CENPP: variants seen among roughly 807,000 people sequenced by gnomAD.
CENPP encodes the protein centromere protein P.
CENPP carries 24 observed loss-of-function variants against 35.6 expected under a neutral mutation model. The ratio of observed to expected loss-of-function variants is 0.67; its 90% confidence interval spans 0.49 to 0.95. The LOEUF is 0.95. Among genes scored for constraint, CENPP ranks in the 40% least tolerant of loss-of-function variants. CENPP has a pLI of 0.00. For missense variants in CENPP, 332 were observed against 345.3 expected, an observed-to-expected ratio of 0.96 and a Z score of 0.31; for synonymous variants, 120 against 125.5, an observed-to-expected ratio of 0.96 and a Z score of 0.29.
chr9:92,505,779 G>A (rs553012623), intron 5 of CENPP: 100 of 1,087,398 alleles, frequency 9.2e-5, no homozygotes, highest in Non-Finnish European at 1.2e-4. Context: ...TGAAATGGCC[G>A]GTTTATTTGG....
intron 5 of CENPP, among the ~76,000 whole-genome samples, chr9:92,434,805 G>A (rs1844206925): frequency 6.6e-6 from 1 of 152,188 alleles, no homozygotes. Flanking sequence ...CACTTTGGGA[G>A]CCTGAAGCGG....
chr9:92,332,292 A>T lies in CENPP; in HGVS notation c.230A>T (p.Asn77Ile). 1 of 1,611,750 alleles carries T rather than the reference A, an allele frequency of 6.2e-7. No homozygotes were observed. Among genetic ancestry groups the T allele is most frequent in the Non-Finnish European group, 8.5e-7 (1 of 1,179,078 alleles). The change falls in exon 2 of 8, where the codon AAT (asparagine) becomes ATT (isoleucine). Residue 77 changes from asparagine (N) to isoleucine (I), a missense_variant. Physicochemically the swap from Asn to Ile is moderately radical, Grantham distance 149 (BLOSUM62 -3). Coordinates refer to ENST00000375587, the MANE Select transcript of CENPP (RefSeq NM_001012267.3). ...TTTCTAAGTACGCTTACTGGCATCAATATAAGAAATCACTCCAAGCAGACA... is the reference window on the plus strand; with the variant it reads ...TTTCTAAGTACGCTTACTGGCATCATTATAAGAAATCACTCCAAGCAGACA... ...LSFLSTLTGI[N>I]IRNHSKQTED...
intron 5 of CENPP, among the ~76,000 whole-genome samples, chr9:92,420,651 T>C (rs1019511017): frequency 1.3e-5 from 2 of 151,268 alleles, no homozygotes; most frequent in African/African-American, 4.9e-5. Flanking sequence ...GCTTCTTTTT[T>C]TTAAGTCAAG....
chr9:92,396,381 A>G (rs1842891211), intron 5 of CENPP, among the ~76,000 whole-genome samples: 1 of 150,696 alleles, frequency 6.6e-6, no homozygotes, highest in Non-Finnish European at 1.5e-5. Context: ...TAATTAAACA[A>G]AAAAAAAACC....
intron 5 of CENPP, among the ~76,000 whole-genome samples, chr9:92,589,356 AT>A (rs201190435): frequency 0.04 from 6,003 of 151,166 alleles, 177 homozygotes; most frequent in South Asian, 0.097. Context: ...AAAAAAAAAA[AT>A]TTTTTTTTAA....
chr9:92,364,999 G>T (rs1477662562), intron 4 of CENPP, among the ~76,000 whole-genome samples: 1 of 152,172 alleles, frequency 6.6e-6, no homozygotes, highest in African/African-American at 2.4e-5. Context: ...CAGACAAGTC[G>T]CTAGTGTTCC....
At chr9:92,454,159 A>G (rs1310269744) in intron 5 of CENPP, among the ~76,000 whole-genome samples, 2 of 152,176 alleles carry the variant, frequency 1.3e-5, no homozygotes, top group African/African-American at 2.4e-5. Context: ...ATGTTAATGC[A>G]GTTTTGGTTG....
Position 92,619,480 on chromosome 9 carries a change from C to T in CENPP, c.*6331C>T. ...CAGGCTGCATGCCTTGCAGTGGGGG[C>T]CTCACCTGGCATCCTGCAGACAGGG... On this transcript the variant is annotated 3_prime_UTR_variant, in exon 8 of 8. Transcript: ENST00000375587. 1 of 1,580,632 alleles carries T rather than the reference C, an allele frequency of 6.3e-7. No homozygotes were observed.
chr9:92,518,173 A>G (rs1378486256), intron 5 of CENPP, among the ~76,000 whole-genome samples: 1 of 152,144 alleles, frequency 6.6e-6, no homozygotes, highest in Non-Finnish European at 1.5e-5. Flanking sequence ...CAACATCAAC[A>G]AACAATCCCC....
At chr9:92,458,950 C>T (rs1844987720) in intron 5 of CENPP, among the ~76,000 whole-genome samples, 1 of 152,166 alleles carries the variant, frequency 6.6e-6, no homozygotes, top group Non-Finnish European at 1.5e-5. Flanking sequence ...TGGCTTGTTG[C>T]CCAGTTTTGT....
chr9:92,329,746 T>C lies in CENPP; in HGVS notation c.108-2424T>C, dbSNP rs547087159. ...TTTTGTGTGTGTGTGTGTGTGTGTA[T>C]TTTTTGGTAGACATGGGGTTTTACC... is the stretch of plus-strand genomic sequence containing the variant. On this transcript the variant is annotated intron_variant, in intron 1 of 7. Coordinates refer to ENST00000375587, the MANE Select transcript of CENPP (RefSeq NM_001012267.3). 1.2e-4 allele frequency among the ~76,000 whole-genome samples: 19 copies of C among 152,126 alleles called. No homozygotes were observed. The East Asian group carries it at 3.5e-3, about 28-fold the overall frequency.
chr9:92,544,378 A>G (rs1849381978), intron 5 of CENPP, among the ~76,000 whole-genome samples: 1 of 152,204 alleles, frequency 6.6e-6, no homozygotes. Flanking sequence ...TGGGAGGCTG[A>G]GGCACGAGAA....
intron 3 of CENPP, among the ~76,000 whole-genome samples, chr9:92,341,320 T>C (rs1023477630): frequency 6.6e-6 from 1 of 152,174 alleles, no homozygotes; most frequent in African/African-American, 2.4e-5. Context: ...CTTGTGATAT[T>C]CTATTACCCT....
chr9:92,553,156 G>T (rs1017762510), intron 5 of CENPP, among the ~76,000 whole-genome samples: 2 of 151,970 alleles, frequency 1.3e-5, no homozygotes, highest in Non-Finnish European at 2.9e-5. Context: ...AGCACCATTT[G>T]TTGAAAAGGT....
chr9:92,367,424 C>T (rs1240555481), intron 4 of CENPP, among the ~76,000 whole-genome samples: 2 of 152,028 alleles, frequency 1.3e-5, no homozygotes, highest in Admixed American at 6.6e-5. Context: ...ACCTCAGCCT[C>T]GCAGAGTTCT....
At chr9:92,542,531 C>T (rs1849340153) in intron 5 of CENPP, among the ~76,000 whole-genome samples, 1 of 149,002 alleles carries the variant, frequency 6.7e-6, no homozygotes, top group Admixed American at 6.7e-5. Flanking sequence ...GAGATGGAGT[C>T]TCGCTCTGTC....
chr9:92,415,384 G>C, intron 5 of CENPP: 4 of 1,613,384 alleles, frequency 2.5e-6, no homozygotes, highest in Non-Finnish European at 2.5e-6. Flanking sequence ...TGAGCTTATT[G>C]GTTCTTTTAG....
At chr9:92,384,366 A>T (rs1842345039) in intron 5 of CENPP, 1 of 152,192 alleles carries the variant, frequency 6.6e-6, no homozygotes, top group African/African-American at 2.4e-5. Flanking sequence ...AGACAACTTG[A>T]TTTCAATACA....
At chr9:92,589,269 C>T (rs912696441) in intron 5 of CENPP, among the ~76,000 whole-genome samples, 11 of 152,042 alleles carry the variant, frequency 7.2e-5, no homozygotes, top group African/African-American at 2.4e-4. Context: ...TTGCTTGAAC[C>T]CCAGAGGCGG....
Sources: gnomAD v4.1 joint callset for allele counts (sites outside exome capture counted in the v4.1 genomes callset) on GRCh38, gnomAD v4.1.1 for gene constraint, MANE v1.5 for transcripts, NCBI Gene and HGNC (gene_info 2026-07-23, HGNC 2026-07-21) for gene names.